Variants in IL19 observed in about 807,000 individuals in gnomAD.
The protein encoded by IL19 is interleukin-19.
In IL19, 15 loss-of-function variants were observed where a neutral mutation model predicts 19.5. The ratio of observed to expected loss-of-function variants is 0.77; its 90% CI spans 0.52 to 1.19. IL19 has a LOEUF of 1.19. Ranked by LOEUF, IL19 falls within the 50% of genes most tolerant of loss-of-function variation. IL19 has a pLI of 0.00. For missense variants in IL19, 199 were observed against 213.1 expected, an observed-to-expected ratio of 0.93 and a Z score of 0.41; for synonymous variants, 78 against 78.3, an observed-to-expected ratio of 1.00 and a Z score of 0.02.
intron 1 of IL19, among the ~76,000 whole-genome samples, chr1:206,776,659 A>C (rs1051719074): frequency 1.8e-4 from 28 of 152,056 alleles, no homozygotes; most frequent in African/African-American, 6.5e-4. Context: ...GACCGCATAT[A>C]CCTTTAAACA....
chr1:206,778,959 G>A (rs889579170), intron 1 of IL19, among the ~76,000 whole-genome samples: 5 of 152,180 alleles, frequency 3.3e-5, no homozygotes, highest in Non-Finnish European at 5.9e-5. Context: ...GTTGGTAGAA[G>A]AGCTGAGGCA....
At chr1:206,808,616 G>A (rs981316430) in intron 2 of IL19, among the ~76,000 whole-genome samples, 1 of 151,980 alleles carries the variant, frequency 6.6e-6, no homozygotes, top group African/African-American at 2.4e-5. Flanking sequence ...GAGGTGGGAG[G>A]GTGAGGAGCC....
At chr1:206,790,637 T>C (rs898050701) in intron 1 of IL19, among the ~76,000 whole-genome samples, 1 of 152,128 alleles carries the variant, frequency 6.6e-6, no homozygotes, top group African/African-American at 2.4e-5. Flanking sequence ...GTTTCTTTCA[T>C]TTTGGTGGAG....
At chr1:206,793,465 C>T (rs1054680851) in intron 1 of IL19, among the ~76,000 whole-genome samples, 1 of 152,176 alleles carries the variant, frequency 6.6e-6, no homozygotes, top group South Asian at 2.1e-4. Flanking sequence ...GCCTGGCAGT[C>T]GTGCTCTGAT....
At chr1:206,794,705 G>A (rs1675479968) in intron 1 of IL19, among the ~76,000 whole-genome samples, 1 of 152,144 alleles carries the variant, frequency 6.6e-6, no homozygotes, top group South Asian at 2.1e-4. Context: ...GGGTAGGGGT[G>A]GGTGTGTGGC....
intron 2 of IL19, among the ~76,000 whole-genome samples, chr1:206,821,273 G>A (rs529178816): frequency 2.4e-4 from 36 of 152,330 alleles, no homozygotes; most frequent in African/African-American, 6.5e-4. Context: ...ATTAGCAACA[G>A]GACCTGGCAC....
At chr1:206,834,393 A>C (rs1676714968) in intron 2 of IL19, 1 of 985,640 alleles carries the variant, frequency 1.0e-6, no homozygotes, top group South Asian at 4.7e-5. Flanking sequence ...GCAAGCACCA[A>C]GTGAGAGGTG....
intron 2 of IL19, among the ~76,000 whole-genome samples, chr1:206,822,541 C>A (rs1408601570): frequency 6.6e-6 from 1 of 152,174 alleles, no homozygotes; most frequent in Non-Finnish European, 1.5e-5. Context: ...CAACCTTGTC[C>A]AAGTGTTTAA....
intron 2 of IL19, among the ~76,000 whole-genome samples, chr1:206,804,167 T>C (rs1231251357): frequency 2.6e-5 from 4 of 152,208 alleles, no homozygotes; most frequent in South Asian, 4.1e-4. Context: ...TATTTAAATA[T>C]GGGTTGCTTG....
chr1:206,789,913 T>G lies in IL19; in HGVS notation c.-148-8948T>G, dbSNP rs553977303. Among the ~76,000 whole-genome samples the G allele has an allele frequency of 4.7e-4, 72 of 152,350 alleles. 1 individual carries two copies. The highest frequency in any genetic ancestry group is 1.5e-4 in the Non-Finnish European group (10 of 68,024). Reference sequence around the variant, plus strand: ...CCCTGCAAAGGATATGATCTCATTCTTTTTTCACTAATTTGTTGGTGGACA... The same window carrying G: ...CCCTGCAAAGGATATGATCTCATTCGTTTTTCACTAATTTGTTGGTGGACA... On this transcript the variant is annotated intron_variant, in intron 1 of 6. Coordinates refer to ENST00000659997, the MANE Select transcript of IL19 (RefSeq NM_153758.5).
At position 206,794,777 on chromosome 1, in the gene IL19, C is replaced by A. The variant is rs1675481708; in HGVS notation, c.-148-4084C>A. Among the ~76,000 whole-genome samples the A allele has an allele frequency of 2.0e-5, 3 of 152,278 alleles. No homozygotes were observed. In the South Asian group the frequency reaches 6.2e-4, roughly 32 times the overall value. On this transcript the variant is annotated intron_variant, in intron 1 of 6. Transcript: ENST00000659997. ...GGGGCACTTCTGTTTGGGGATTTCC[C>A]TGGACCACATTTTGTGACCTGTACC...
chr1:206,808,238 C>A (rs770515200), intron 2 of IL19, among the ~76,000 whole-genome samples: 2 of 152,090 alleles, frequency 1.3e-5, no homozygotes, highest in Non-Finnish European at 1.5e-5. Context: ...GGCTGAGGCA[C>A]GAAAATCACT....
Position 206,842,720 on chromosome 1 carries a change from C to T in IL19, c.*98C>T. ...TGAAGGGGAAGGAGATGGGGAAGGC[C>T]CCTTGCAGCTGAAAGTCCCACTGGC... is the stretch of plus-strand genomic sequence containing the variant. On this transcript the variant is annotated 3_prime_UTR_variant, in exon 7 of 7. Transcript: ENST00000659997. 1.4e-6 allele frequency: 1 copy of T among 701,202 alleles called. No individual in the cohort carries two copies. The highest frequency in any genetic ancestry group is 2.8e-5 in the East Asian group (1 of 35,562). The allele number at this position is 701,202 out of a possible 1,614,324, so 43.4% of individuals were successfully genotyped here.
At chr1:206,823,617 T>C (rs1572567497) in intron 2 of IL19, among the ~76,000 whole-genome samples, 1 of 152,190 alleles carries the variant, frequency 6.6e-6, no homozygotes, top group Non-Finnish European at 1.5e-5. Flanking sequence ...ATGACCATTT[T>C]TCTTTCCTTC....
intron 1 of IL19, among the ~76,000 whole-genome samples, chr1:206,782,297 C>T (rs1391977584): frequency 6.6e-6 from 1 of 152,060 alleles, no homozygotes; most frequent in Non-Finnish European, 1.5e-5. Context: ...AGGATCCTCA[C>T]AACTGCTCTT....
intron 2 of IL19, among the ~76,000 whole-genome samples, chr1:206,816,480 A>G (rs1364028528): frequency 6.6e-6 from 1 of 152,196 alleles, no homozygotes; most frequent in Non-Finnish European, 1.5e-5. Context: ...TTAAAAGCAT[A>G]TGGTACATAT....
chr1:206,783,199 T>C (rs1412877801), intron 1 of IL19, among the ~76,000 whole-genome samples: 1 of 152,084 alleles, frequency 6.6e-6, no homozygotes, highest in African/African-American at 2.4e-5. Context: ...GGAGACCATC[T>C]ATAGAAGGAG....
intron 2 of IL19, among the ~76,000 whole-genome samples, chr1:206,801,180 A>AC (rs1428978267): frequency 4.0e-5 from 6 of 151,882 alleles, no homozygotes; most frequent in African/African-American, 1.4e-4. Flanking sequence ...AAAAAAAAAA[A>AC]AAAACCACAG....
chr1:206,786,750 A>T (rs1185994016), intron 1 of IL19, among the ~76,000 whole-genome samples: 1 of 151,634 alleles, frequency 6.6e-6, no homozygotes, highest in Non-Finnish European at 1.5e-5. Context: ...CTTCATATTG[A>T]CCTCACCCTT....
Sources: gnomAD v4.1 joint callset for allele counts (sites outside exome capture counted in the v4.1 genomes callset) on GRCh38, gnomAD v4.1.1 for gene constraint, MANE v1.5 for transcripts, NCBI Gene and HGNC (gene_info 2026-07-23, HGNC 2026-07-21) for gene names.